Variants in NRXN1 observed in about 807,000 individuals in gnomAD.
NRXN1 encodes neurexin 1, also known as neurexin-1.
Under a neutral mutation model 150.9 loss-of-function variants are expected in NRXN1, and 39 were observed. The observed-to-expected ratio is 0.26, with a 90% CI of 0.20 to 0.34. The LOEUF is 0.34. Among genes scored for constraint, NRXN1 ranks in the 10% least tolerant of loss-of-function variants. The probability of loss-of-function intolerance (pLI) is 1.00; values close to 1 mark genes in which losing one functional copy is unlikely to be tolerated. For missense variants in NRXN1, 1,815 were observed against 1,949.9 expected, an observed-to-expected ratio of 0.93 and a Z score of 1.30; for synonymous variants, 924 against 757.0, an observed-to-expected ratio of 1.22 and a Z score of -3.62.
At chr2:50,197,324 C>A (rs1040799977) in intron 18 of NRXN1, among the ~76,000 whole-genome samples, 6 of 152,030 alleles carry the variant, frequency 3.9e-5, no homozygotes, top group South Asian at 2.1e-4. Flanking sequence ...TTCTTACATG[C>A]CATTAGCATA....
intron 2 of NRXN1, among the ~76,000 whole-genome samples, chr2:50,972,388 G>A (rs749368502): frequency 4.9e-4 from 75 of 152,206 alleles, no homozygotes; most frequent in Middle Eastern, 3.4e-3. Flanking sequence ...TGTGGGAAGT[G>A]GAATATGAGT....
rs531909638 is a variant in NRXN1 at position 50,545,289 on chromosome 2, A to G, written c.1760-6653T>C. ...CACAGCAATGTATAGACACATATACATTTTAAACATGATCATACACAATGG... is the reference window on the plus strand; with the variant it reads ...CACAGCAATGTATAGACACATATACGTTTTAAACATGATCATACACAATGG... On this transcript the variant is annotated intron_variant, in intron 9 of 22. Transcript: ENST00000401669. 1.1e-4 allele frequency among the ~76,000 whole-genome samples: 17 copies of G among 152,344 alleles called. No individual in the cohort carries two copies. In the South Asian group the frequency reaches 3.3e-3, roughly 30 times the overall value.
intron 19 of NRXN1, among the ~76,000 whole-genome samples, chr2:50,074,227 A>G (rs1274467573): frequency 6.6e-6 from 1 of 152,168 alleles, no homozygotes; most frequent in Non-Finnish European, 1.5e-5. Context: ...AGGTAAAATT[A>G]TAGTATATTA....
In NRXN1 at chr2:49,920,168, TAAACTA is replaced by T. The variant is rs1037124586; in HGVS notation, c.*1770_*1775del. ...TATACTTTTCCACTACTTAATGTGT[TAAACTA>T]AAACTATATTTAATGATATATATGT... On this transcript the variant is annotated 3_prime_UTR_variant, in exon 23 of 23. Coordinates refer to ENST00000401669, the MANE Select transcript of NRXN1 (RefSeq NM_001330078.2). 6.6e-6 allele frequency: 1 copy of T among 152,180 alleles called. No individual in the cohort carries two copies. Among genetic ancestry groups the T allele is most frequent in the African/African-American group, 2.4e-5 (1 of 41,444 alleles). 9.4% of individuals were successfully genotyped at this position (152,180 alleles called of 1,614,324 possible). A position where few individuals can be genotyped will look rare whatever the true frequency, so the allele number is the denominator to read the frequency against.
At chr2:50,712,781 C>T (rs1209607765) in intron 5 of NRXN1, among the ~76,000 whole-genome samples, 1 of 152,144 alleles carries the variant, frequency 6.6e-6, no homozygotes, top group Admixed American at 6.5e-5. Context: ...CTCATGACTG[C>T]AGCCTTCATC....
chr2:50,172,130 A>G (rs1352402063), intron 18 of NRXN1, among the ~76,000 whole-genome samples: 1 of 152,230 alleles, frequency 6.6e-6, no homozygotes, highest in East Asian at 1.9e-4. Flanking sequence ...GGGTTATTAT[A>G]GACAAGGCAA....
intron 10 of NRXN1, among the ~76,000 whole-genome samples, chr2:50,535,062 A>G (rs1337042474): frequency 6.6e-6 from 1 of 152,236 alleles, no homozygotes; most frequent in Non-Finnish European, 1.5e-5. Flanking sequence ...ATAAATGACA[A>G]ATGAAAGCCT....
Position 50,496,111 on chromosome 2 carries a change from A to AT in NRXN1, c.2880-17_2880-16insA. ...ATGTAAGTACCTGGGAAAAAAATGAAAGAGGGGAAAGTGCCATCACTTTTT... is the reference window on the plus strand; with the variant it reads ...ATGTAAGTACCTGGGAAAAAAATGAATAGAGGGGAAAGTGCCATCACTTTTT... On this transcript the variant is annotated splice_polypyrimidine_tract_variant and intron_variant, in intron 14 of 22. Transcript: ENST00000401669. The AT allele has an allele frequency of 6.4e-7, 1 of 1,568,604 alleles. No homozygotes were observed. The highest frequency in any genetic ancestry group is 8.7e-7 in the Non-Finnish European group (1 of 1,154,042).
chr2:50,068,728 G>T (rs1351053460), intron 19 of NRXN1, among the ~76,000 whole-genome samples: 1 of 152,180 alleles, frequency 6.6e-6, no homozygotes, highest in Non-Finnish European at 1.5e-5. Flanking sequence ...AGTATGATGT[G>T]CCTTACACAA....
At chr2:50,239,662 G>GTATATATATA (rs59505952) in intron 17 of NRXN1, among the ~76,000 whole-genome samples, 59 of 47,268 alleles carry the variant, frequency 1.2e-3, no homozygotes, top group East Asian at 3.3e-3. Context: ...ACCTATTCCA[G>GTATATATATA]TATATATATA....
chr2:49,988,656 A>G (rs1339079329), intron 21 of NRXN1, among the ~76,000 whole-genome samples: 2 of 150,422 alleles, frequency 1.3e-5, no homozygotes, highest in African/African-American at 4.9e-5. Context: ...AAGCCTGCCT[A>G]TTCACCTCTG....
chr2:50,623,668 C>A, intron 5 of NRXN1, 53 bp from the exon 6 acceptor site: 1 of 1,332,444 alleles, frequency 7.5e-7, no homozygotes, highest in East Asian at 2.4e-5. Context: ...CTATGCAAAT[C>A]AGCAGGTCTT....
At chr2:50,782,076 C>A (rs1038220089) in intron 5 of NRXN1, among the ~76,000 whole-genome samples, 17 of 151,550 alleles carry the variant, frequency 1.1e-4, no homozygotes, top group Non-Finnish European at 2.4e-4. Context: ...AAAATGTTTT[C>A]TTTTCTTGAA....
At chr2:50,747,147 C>G (rs751765061) in intron 5 of NRXN1, among the ~76,000 whole-genome samples, 6 of 152,072 alleles carry the variant, frequency 3.9e-5, no homozygotes, top group African/African-American at 9.7e-5. Flanking sequence ...TAGATACACA[C>G]TCATATACAA....
intron 17 of NRXN1, among the ~76,000 whole-genome samples, chr2:50,418,026 TTAC>T (rs2083681477): frequency 6.6e-6 from 1 of 151,930 alleles, no homozygotes; most frequent in South Asian, 2.1e-4. Context: ...TTTAGAAAGA[TTAC>T]TAGTTCTTCC....
chr2:50,278,242 A>ATATATATGTATTATATATATTT (rs1553368219), intron 17 of NRXN1, among the ~76,000 whole-genome samples: 1 of 118,298 alleles, frequency 8.5e-6, no homozygotes, highest in East Asian at 2.2e-4. Context: ...TATATATATA[A>ATATATATGTATTATATATATTT]TATATATATA....
At chr2:50,886,558 T>A (rs1210871977) in intron 5 of NRXN1, among the ~76,000 whole-genome samples, 1 of 151,440 alleles carries the variant, frequency 6.6e-6, no homozygotes, top group African/African-American at 2.4e-5. Flanking sequence ...CAAAAAATAA[T>A]TATAAGCATG....
chr2:50,980,469 C>T (rs1696610778), intron 2 of NRXN1, among the ~76,000 whole-genome samples: 1 of 152,028 alleles, frequency 6.6e-6, no homozygotes, highest in African/African-American at 2.4e-5. Flanking sequence ...TAACCACCAA[C>T]TAATATAATC....
intron 5 of NRXN1, among the ~76,000 whole-genome samples, chr2:50,734,518 G>C (rs1377960675): frequency 5.9e-5 from 9 of 151,962 alleles, no homozygotes; most frequent in Admixed American, 5.2e-4. Context: ...GTTTTTGTTA[G>C]GTGTGAAGAT....
Sources: allele counts gnomAD v4.1 joint callset (sites outside exome capture counted in the v4.1 genomes callset), GRCh38; gene constraint gnomAD v4.1.1; transcripts MANE v1.5; gene names NCBI Gene and HGNC (gene_info 2026-07-23, HGNC 2026-07-21).